The following IQCM variants were observed in gnomAD, a reference collection of about 807,000 sequenced individuals.
The protein encoded by IQCM is IQ domain-containing protein M.
In IQCM, 45 loss-of-function variants were observed where a neutral mutation model predicts 57.6. The ratio of observed to expected loss-of-function variants is 0.78; its 90% CI spans 0.62 to 1.00. The LOEUF is 1.00. Ranked by LOEUF, IQCM falls within the 50% of genes least tolerant of loss-of-function variation. The pLI, the probability that IQCM is intolerant of heterozygous loss-of-function variation, is 0.00. For missense variants in IQCM, 468 were observed against 511.6 expected (o/e 0.91, Z 0.82); for synonymous variants, 148 against 158.9 (o/e 0.93, Z 0.51).
chr4:149,361,899 G>C (rs922227334), intron 13 of IQCM, among the ~76,000 whole-genome samples: 57 of 152,094 alleles, frequency 3.7e-4, no homozygotes, highest in African/African-American at 1.3e-3. Context: ...TGCACCGTGT[G>C]CCTGGAAAAG....
At chr4:149,778,252 T>G (rs1000778586) in intron 2 of IQCM, among the ~76,000 whole-genome samples, 1 of 152,046 alleles carries the variant, frequency 6.6e-6, no homozygotes, top group African/African-American at 2.4e-5. Flanking sequence ...CGCAGGCGCC[T>G]GTAGTCCCAG....
rs59034048 is a variant in IQCM at position 149,369,014 on chromosome 4, GTA to G, written c.1391-16950_1391-16949del. 2.6e-4 allele frequency among the ~76,000 whole-genome samples: 14 copies of G among 53,838 alleles called. 3 individuals are homozygous for G. Among genetic ancestry groups the G allele is most frequent in the South Asian group, 2.2e-3 (4 of 1,800 alleles). The allele number at this position is 53,838 out of a possible 152,430, so 35.3% of individuals were successfully genotyped here. A position where few individuals can be genotyped will look rare whatever the true frequency, so the allele number is the denominator to read the frequency against. On this transcript the variant is annotated intron_variant, in intron 13 of 13. Transcript: ENST00000636793. ...CGTGTATATATATATATATACACGT[GTA>G]TATATATATATATACATGTGTATAT...
Position 149,433,546 on chromosome 4 carries a change from T to C in IQCM, c.1240A>G (p.Lys414Glu). 2 of 1,142,892 alleles carry C rather than the reference T, an allele frequency of 1.7e-6. No individual in the cohort carries two copies. Among genetic ancestry groups the C allele is most frequent in the Non-Finnish European group, 1.1e-6 (1 of 907,218 alleles). The allele number at this position is 1,142,892 out of a possible 1,614,324, so 70.8% of individuals were successfully genotyped here. A position where few individuals can be genotyped will look rare whatever the true frequency, so the allele number is the denominator to read the frequency against. ...WDLVHQDGKE[K>E]YSELIKKSKA... ...GACTTTTTGATTAGTTCAGAATATT[T>C]TTCTTTGCCATCTATAAAGAAAAGA... is the stretch of plus-strand genomic sequence containing the variant. The change falls in exon 13 of 14, where the codon AAA becomes GAA. Residue 414 changes from lysine (K) to glutamate (E), a missense_variant. Lys to Glu is a moderately conservative substitution (Grantham distance 56, BLOSUM62 1). Coordinates refer to ENST00000636793, the MANE Select transcript of IQCM (RefSeq NM_001363507.2).
intron 2 of IQCM, among the ~76,000 whole-genome samples, chr4:149,758,920 G>A (rs1489756010): frequency 6.7e-6 from 1 of 149,290 alleles, no homozygotes; most frequent in Non-Finnish European, 1.5e-5. Flanking sequence ...AACATGCTTT[G>A]ACCATGTAAT....
At chr4:149,507,911 C>G (rs753597916) in intron 12 of IQCM, among the ~76,000 whole-genome samples, 8 of 151,964 alleles carry the variant, frequency 5.3e-5, no homozygotes, top group Non-Finnish European at 1.0e-4. Context: ...GTGGGCTGAG[C>G]CAGGGTCCCT....
intron 5 of IQCM, among the ~76,000 whole-genome samples, chr4:149,699,073 C>T (rs561327291): frequency 7.9e-5 from 12 of 152,034 alleles, no homozygotes; most frequent in African/African-American, 2.2e-4. Flanking sequence ...AGACACATAA[C>T]GTCATACAGT....
At chr4:149,559,068 G>T (rs1225724686) in intron 10 of IQCM, among the ~76,000 whole-genome samples, 1 of 151,956 alleles carries the variant, frequency 6.6e-6, no homozygotes, top group African/African-American at 2.4e-5. Context: ...AAGAACCTGG[G>T]AATCATTCTT....
At position 149,371,275 on chromosome 4, in the gene IQCM, T is replaced by C. The variant is rs1730351403; in HGVS notation, c.1391-19209A>G. The stretch of plus-strand genomic sequence containing the variant: ...CCAAAGTACTCTGGAGCCAAGGCAC[T>C]TGCCCCAGGCCTGAGAAACACCTAG... On this transcript the variant is annotated intron_variant, in intron 13 of 13. Transcript: ENST00000636793. Among the ~76,000 whole-genome samples, 3 of 152,158 alleles carry C rather than the reference T, an allele frequency of 2.0e-5. No individual in the cohort carries two copies. In the South Asian group the frequency reaches 6.2e-4, roughly 32 times the overall value.
At chr4:149,606,422 C>T (rs1016564971) in intron 8 of IQCM, among the ~76,000 whole-genome samples, 4 of 152,156 alleles carry the variant, frequency 2.6e-5, no homozygotes, top group African/African-American at 9.7e-5. Flanking sequence ...TACTAGAAGG[C>T]CCTCTCAAGA....
intron 2 of IQCM, among the ~76,000 whole-genome samples, chr4:149,761,078 T>A (rs1769464569): frequency 6.6e-6 from 1 of 152,120 alleles, no homozygotes; most frequent in Admixed American, 6.6e-5. Flanking sequence ...ACTACTATTC[T>A]GCCAATTACT....
intron 13 of IQCM, among the ~76,000 whole-genome samples, chr4:149,354,945 CTACTT>C (rs1728854685): frequency 6.6e-6 from 1 of 152,098 alleles, no homozygotes; most frequent in Non-Finnish European, 1.5e-5. Flanking sequence ...TGGGAACACT[CTACTT>C]TCCATTCCAT....
At chr4:149,718,694 G>T (rs1765199201) in intron 5 of IQCM, among the ~76,000 whole-genome samples, 3 of 152,182 alleles carry the variant, frequency 2.0e-5, no homozygotes, top group Admixed American at 6.5e-5. Flanking sequence ...CTCCTTCATA[G>T]CCTCTAGGGA....
At chr4:149,481,701 G>GTTTTTTTTTTTTTTTTTTTTGTTTTTTT (rs1740844816) in intron 12 of IQCM, among the ~76,000 whole-genome samples, 5 of 51,578 alleles carry the variant, frequency 9.7e-5, no homozygotes, top group South Asian at 6.0e-4. Context: ...TTCCAGTTTT[G>GTTTTTTTTTTTTTTTTTTTTGTTTTTTT]TTTTTTTTTT....
At chr4:149,498,115 G>A (rs1188865425) in intron 12 of IQCM, among the ~76,000 whole-genome samples, 1 of 152,110 alleles carries the variant, frequency 6.6e-6, no homozygotes, top group Non-Finnish European at 1.5e-5. Flanking sequence ...CAGGCATTAG[G>A]AATGTAAGAT....
intron 3 of IQCM, among the ~76,000 whole-genome samples, chr4:149,737,953 T>C (rs2149898977): frequency 6.6e-6 from 1 of 152,292 alleles, no homozygotes; most frequent in South Asian, 2.1e-4. Context: ...TACAACATTG[T>C]CATGTGCATG....
chr4:149,645,940 G>A (rs1024030221), intron 7 of IQCM, among the ~76,000 whole-genome samples: 1 of 152,110 alleles, frequency 6.6e-6, no homozygotes. Context: ...GCATGCCTGT[G>A]TACCTGCCCC....
intron 2 of IQCM, among the ~76,000 whole-genome samples, chr4:149,762,869 A>C (rs1769667276): frequency 6.6e-6 from 1 of 152,050 alleles, no homozygotes; most frequent in Non-Finnish European, 1.5e-5. Context: ...AGAGATGTTA[A>C]TCTGTTGCCA....
intron 2 of IQCM, among the ~76,000 whole-genome samples, chr4:149,759,044 C>G: frequency 6.6e-6 from 1 of 152,058 alleles, no homozygotes; most frequent in East Asian, 1.9e-4. Context: ...CAGAAGCAAC[C>G]ACGATATCCT....
At chr4:149,716,236 A>C (rs1360971998) in intron 5 of IQCM, among the ~76,000 whole-genome samples, 5 of 152,132 alleles carry the variant, frequency 3.3e-5, no homozygotes, top group Admixed American at 6.5e-5. Flanking sequence ...CCTCCGTCCC[A>C]TGCTTGTTGG....
Sources: allele counts gnomAD v4.1 joint callset (sites outside exome capture counted in the v4.1 genomes callset), GRCh38; gene constraint gnomAD v4.1.1; transcripts MANE v1.5; gene names NCBI Gene and HGNC (gene_info 2026-07-23, HGNC 2026-07-21).